Variants in MPP7 observed in about 807,000 individuals in gnomAD.
MPP7 encodes MAGUK p55 subfamily member 7.
A neutral mutation model predicts 76.5 loss-of-function variants in MPP7; 60 were observed. That is an observed-to-expected ratio of 0.78 (90% CI 0.64 to 0.97). The LOEUF (loss-of-function observed/expected upper bound fraction) is 0.97, where lower values mean the gene tolerates loss of function less well. MPP7 is among the 50% of genes least tolerant of loss of function. The pLI is 0.00. For missense variants in MPP7, 641 were observed against 694.0 expected, an observed-to-expected ratio of 0.92 and a Z score of 0.86; for synonymous variants, 237 against 244.5, an observed-to-expected ratio of 0.97 and a Z score of 0.29.
At chr10:28,290,071 G>A (rs974308230) in intron 1 of MPP7, among the ~76,000 whole-genome samples, 2 of 152,094 alleles carry the variant, frequency 1.3e-5, no homozygotes, top group African/African-American at 2.4e-5. Context: ...CATCTGCCTC[G>A]ACCTCCCAAG....
chr10:28,304,104 G>A (rs1345427705), upstream of MPP7, among the ~76,000 whole-genome samples: 2 of 152,218 alleles, frequency 1.3e-5, no homozygotes, highest in African/African-American at 4.8e-5. Flanking sequence ...ACTTCAAGAT[G>A]TGATAGAGAC....
At chr10:28,176,795 C>T (rs113869826) in intron 3 of MPP7, among the ~76,000 whole-genome samples, 1 of 144,566 alleles carries the variant, frequency 6.9e-6, no homozygotes, top group African/African-American at 2.6e-5. Flanking sequence ...CCAAACACCA[C>T]ATGTTCTCAC....
At chr10:28,065,395 T>C (rs1212642108) in intron 13 of MPP7, among the ~76,000 whole-genome samples, 1 of 152,104 alleles carries the variant, frequency 6.6e-6, no homozygotes, top group Non-Finnish European at 1.5e-5. Context: ...ATTACCTAGG[T>C]CTGATGTTAT....
chr10:28,312,569 C>T (rs1393124860), intron 2 of MPP7, among the ~76,000 whole-genome samples: 2 of 152,126 alleles, frequency 1.3e-5, no homozygotes, highest in Non-Finnish European at 2.9e-5. Context: ...AGTCTCAACA[C>T]TTTTTAGCCA....
chr10:28,123,272 T>C (rs922628667), intron 8 of MPP7, among the ~76,000 whole-genome samples: 2 of 152,104 alleles, frequency 1.3e-5, no homozygotes, highest in Admixed American at 1.3e-4. Flanking sequence ...TTCCAAGGCA[T>C]AAAATAATTT....
intron 3 of MPP7, among the ~76,000 whole-genome samples, chr10:28,188,749 A>G (rs1837313843): frequency 1.3e-5 from 2 of 149,524 alleles, no homozygotes; most frequent in Admixed American, 6.7e-5. Context: ...GAGGACAAGG[A>G]TAAGAATTAC....
chr10:28,217,046 A>T (rs962354494), intron 2 of MPP7, among the ~76,000 whole-genome samples: 2 of 152,158 alleles, frequency 1.3e-5, no homozygotes, highest in Non-Finnish European at 2.9e-5. Flanking sequence ...TAATTAAGAT[A>T]TTCAGAAAAA....
intron 2 of MPP7, among the ~76,000 whole-genome samples, chr10:28,202,711 A>G (rs1326991816): frequency 6.6e-6 from 1 of 152,232 alleles, no homozygotes; most frequent in East Asian, 1.9e-4. Flanking sequence ...GTAGTGTCCA[A>G]ATAGTTCCTA....
chr10:28,215,039 C>T (rs981737889), intron 2 of MPP7, among the ~76,000 whole-genome samples: 1 of 152,090 alleles, frequency 6.6e-6, no homozygotes, highest in Admixed American at 6.6e-5. Flanking sequence ...TCTGCCATCT[C>T]ACCCAGGAAC....
intron 2 of MPP7, among the ~76,000 whole-genome samples, chr10:28,311,701 A>G (rs1343699429): frequency 1.3e-5 from 2 of 152,096 alleles, no homozygotes; most frequent in African/African-American, 4.8e-5. Context: ...TGGGCAACAT[A>G]GCAAGACCCC....
intron 1 of MPP7, among the ~76,000 whole-genome samples, chr10:28,291,287 C>T (rs1840912949): frequency 1.3e-5 from 2 of 152,322 alleles, no homozygotes; most frequent in South Asian, 2.1e-4. Flanking sequence ...GATAGGATGA[C>T]AGCTAGAAAC....
At chr10:28,060,690 G>A (rs1238832372) in intron 13 of MPP7, among the ~76,000 whole-genome samples, 1 of 152,228 alleles carries the variant, frequency 6.6e-6, no homozygotes, top group Non-Finnish European at 1.5e-5. Flanking sequence ...GGTAGAAAAA[G>A]TCCTTGTGGG....
At chr10:28,118,707 T>C in intron 11 of MPP7, 8 of 985,462 alleles carry the variant, frequency 8.1e-6, no homozygotes, top group Non-Finnish European at 9.6e-6. Flanking sequence ...GGCTTTTGAA[T>C]GAGTGCTCCA....
Position 28,058,690 on chromosome 10 carries a change from C to CG in MPP7, c.1299-88_1299-87insC, listed in dbSNP as rs1851659151. 6.8e-6 allele frequency: 4 copies of CG among 587,424 alleles called. No individual in the cohort carries two copies. In the Admixed American group the frequency reaches 1.2e-4, roughly 18 times the overall value. 36.4% of individuals were successfully genotyped at this position (587,424 alleles called of 1,614,324 possible). A position where few individuals can be genotyped will look rare whatever the true frequency, so the allele number is the denominator to read the frequency against. On this transcript the variant is annotated intron_variant, in intron 14 of 16. Coordinates refer to ENST00000683449, the MANE Select transcript of MPP7 (RefSeq NM_001318170.2). ...TAAAATTCATAGGTAAAAGACGTTT[C>CG]TGCTGAACACGTAATTTTTTTAAAC...
At chr10:28,246,557 T>G (rs377385001) in intron 1 of MPP7, among the ~76,000 whole-genome samples, 1 of 152,208 alleles carries the variant, frequency 6.6e-6, no homozygotes, top group Non-Finnish European at 1.5e-5. Context: ...TACAGTAATA[T>G]TGTAATGATG....
intron 12 of MPP7, among the ~76,000 whole-genome samples, chr10:28,070,239 T>C (rs979739433): frequency 6.6e-6 from 1 of 151,516 alleles, no homozygotes; most frequent in Admixed American, 6.6e-5. Flanking sequence ...CTACTGAAAA[T>C]ACAAAAAAAA....
intron 5 of MPP7, among the ~76,000 whole-genome samples, chr10:28,139,768 G>A (rs1181085231): frequency 1.3e-5 from 2 of 152,088 alleles, no homozygotes; most frequent in Non-Finnish European, 2.9e-5. Context: ...CTTATTTCAG[G>A]AACAGTCACA....
intron 3 of MPP7, among the ~76,000 whole-genome samples, chr10:28,170,691 C>T (rs1836650611): frequency 1.3e-5 from 2 of 151,830 alleles, no homozygotes; most frequent in South Asian, 2.1e-4. Context: ...TTCTTTTCAG[C>T]TGTATCTAAT....
intron 1 of MPP7, among the ~76,000 whole-genome samples, chr10:28,294,208 G>A (rs554230841): frequency 1.3e-5 from 2 of 152,348 alleles, no homozygotes; most frequent in African/African-American, 4.8e-5. Context: ...ACTGGAGGCT[G>A]AGGCAGGAGA....
Sources: allele counts gnomAD v4.1 joint callset (sites outside exome capture counted in the v4.1 genomes callset), GRCh38; gene constraint gnomAD v4.1.1; transcripts MANE v1.5; gene names NCBI Gene and HGNC (gene_info 2026-07-23, HGNC 2026-07-21).